NOTCH1: variants seen among roughly 807,000 people sequenced by gnomAD.
NOTCH1 encodes notch receptor 1.
In NOTCH1, 37 loss-of-function variants were observed where a neutral mutation model predicts 254.8. That is an observed-to-expected ratio of 0.15 (90% CI 0.11 to 0.19). NOTCH1 has a LOEUF of 0.19. Ranked by LOEUF, NOTCH1 falls within the 10% of genes least tolerant of loss-of-function variation. NOTCH1 has a pLI of 1.00. For missense variants in NOTCH1, 2,972 were observed against 3,708.6 expected (o/e 0.80, Z 5.16); for synonymous variants, 1,731 against 1,618.1 (o/e 1.07, Z -1.68).
chr9:136,495,965 A>T lies in NOTCH1; in HGVS notation c.*106T>A. On this transcript the variant is annotated 3_prime_UTR_variant, in exon 34 of 34. Transcript: ENST00000651671. ...ATCCTCGTTCTTATTTTGTATAAAA[A>T]CATGTGTTTTAAAAAGGCTCCTCTG... is the stretch of plus-strand genomic sequence containing the variant. 1 of 1,176,508 alleles carries T rather than the reference A, an allele frequency of 8.5e-7. No homozygotes were observed. Among genetic ancestry groups the T allele is most frequent in the Non-Finnish European group, 1.2e-6 (1 of 849,440 alleles). 72.9% of individuals were successfully genotyped at this position (1,176,508 alleles called of 1,614,324 possible). A position where few individuals can be genotyped will look rare whatever the true frequency, so the allele number is the denominator to read the frequency against.
chr9:136,535,573 G>T (rs181096709), intron 2 of NOTCH1, among the ~76,000 whole-genome samples: 1 of 53,574 alleles, frequency 1.9e-5, no homozygotes, highest in Non-Finnish European at 3.3e-5. Flanking sequence ...GTGGGTGGAG[G>T]GGGGAGCACT....
At position 136,496,364 on chromosome 9, in the gene NOTCH1, G is replaced by A. The variant is rs1292613938; in HGVS notation, c.7375C>T (p.Gln2459Ter). ...GACGTGGGCAGGGCGGGGCTCTCCT[G>A]GGGCAGAATAGTGTGCACCGCCAGG... ...SSLAVHTILP[Q>*]ESPALPTSLP... is the part of the protein sequence containing the mutation. The change falls in exon 34 of 34, where the codon CAG becomes TAG. Residue 2459 changes from glutamine (Q) to a stop codon, truncating the protein, a stop_gained. Coordinates refer to ENST00000651671, the MANE Select transcript of NOTCH1 (RefSeq NM_017617.5). LOFTEE classifies it high-confidence loss of function. The A allele has an allele frequency of 6.3e-7, 1 of 1,593,882 alleles. No individual in the cohort carries two copies. The highest frequency in any genetic ancestry group is 8.5e-7 in the Non-Finnish European group (1 of 1,174,640).
rs1442503672 is a variant in NOTCH1, at chr9:136,515,541, C to T, written c.1845G>A (p.Gly615=). 1.9e-6 allele frequency: 3 copies of T among 1,611,514 alleles called. No homozygotes were observed. The highest frequency in any genetic ancestry group is 2.7e-5 in the African/African-American group (2 of 74,890). ...CGTTGTCGCGGTCCTGGCAGGTGCCCCCGTGGCGGCAGGGCTGGCTGGAGC... is the reference window on the plus strand; with the variant it reads ...CGTTGTCGCGGTCCTGGCAGGTGCCTCCGTGGCGGCAGGGCTGGCTGGAGC... ...NECSSQPCRH[G]GTCQDRDNAY... The change falls in exon 11 of 34, where the codon GGG becomes GGA. Residue 615 remains glycine (G), a synonymous_variant. Coordinates refer to ENST00000651671, the MANE Select transcript of NOTCH1 (RefSeq NM_017617.5).
At chr9:136,498,689 A>C (rs1842952307) in intron 33 of NOTCH1, among the ~76,000 whole-genome samples, 1 of 152,168 alleles carries the variant, frequency 6.6e-6, no homozygotes, top group Non-Finnish European at 1.5e-5. Flanking sequence ...CTGGACCTGC[A>C]CTTGGAAGGG....
In NOTCH1 at chr9:136,509,032, G is replaced by T; in HGVS notation, c.3009C>A (p.Asn1003Lys). The T allele has an allele frequency of 6.4e-7, 1 of 1,562,996 alleles. No individual in the cohort carries two copies. The highest frequency in any genetic ancestry group is 8.7e-7 in the Non-Finnish European group (1 of 1,154,604). ...CGGGTGGACACAGGCAGGTGAACGA[G>T]TTGATGCCGTCCACGCAGGTGCCAC... ...FNGGTCVDGI[N>K]SFTCLCPPGF... Residue 1003 changes from asparagine (N) to lysine (K), a missense_variant, in exon 19 of 34, where the codon AAC becomes AAA. Coordinates refer to ENST00000651671, the MANE Select transcript of NOTCH1 (RefSeq NM_017617.5).
At chr9:136,521,319 A>C (rs1206978667) in intron 4 of NOTCH1, among the ~76,000 whole-genome samples, 3 of 151,928 alleles carry the variant, frequency 2.0e-5, no homozygotes, top group Admixed American at 2.0e-4. Context: ...ACCCACACTC[A>C]AGTGAGTGAA....
At position 136,496,012 on chromosome 9, in the gene NOTCH1, G is replaced by A; in HGVS notation, c.*59C>T. Reference sequence around the variant, plus strand: ...TCTGGTCGGCCCTGGCATCCACAGAGCGCACACAGACGCCCGAAGGCTTGG... The same window carrying A: ...TCTGGTCGGCCCTGGCATCCACAGAACGCACACAGACGCCCGAAGGCTTGG... On this transcript the variant is annotated 3_prime_UTR_variant, in exon 34 of 34. Coordinates refer to ENST00000651671, the MANE Select transcript of NOTCH1 (RefSeq NM_017617.5). 2 of 1,554,158 alleles carry A rather than the reference G, an allele frequency of 1.3e-6. No individual in the cohort carries two copies. The highest frequency in any genetic ancestry group is 1.7e-6 in the Non-Finnish European group (2 of 1,153,326).
At chr9:136,517,418 C>T (rs774796744) in intron 8 of NOTCH1, 33 bp from the exon 9 acceptor site, 25 of 1,417,846 alleles carry the variant, frequency 1.8e-5, no homozygotes, top group African/African-American at 7.1e-5. Context: ...GGGGGGCACG[C>T]GCGGCCCCAG....
chr9:136,512,111 T>C (rs973249150), intron 15 of NOTCH1, among the ~76,000 whole-genome samples: 3 of 152,132 alleles, frequency 2.0e-5, no homozygotes, highest in Non-Finnish European at 4.4e-5. Flanking sequence ...AGCGGGCAGA[T>C]AGGAAGCGGG....
chr9:136,504,773 C>A lies in NOTCH1; in HGVS notation c.4918G>T (p.Ala1640Ser), dbSNP rs976118697. Residue 1640 changes from alanine (A) to serine (S), a missense_variant, in exon 26 of 34, where the codon GCA becomes TCA. This residue lies in a region of NOTCH1 where 1,343 missense variants were observed against 1,557.0 expected (regional missense o/e 0.86). Transcript: ENST00000651671. Reference sequence around the variant, plus strand: ...ACCTGGCCCAGCAGGGCGTCAGGTGCGGCCCAGCCCTCGGCGGCACGCTTG... The same window carrying A: ...ACCTGGCCCAGCAGGGCGTCAGGTGAGGCCCAGCCCTCGGCGGCACGCTTG... ...PIKRAAEGWA[A>S]PDALLGQVKA... 2.6e-6 allele frequency: 4 copies of A among 1,551,586 alleles called. No individual in the cohort carries two copies. The East Asian group carries it at 9.7e-5, about 38-fold the overall frequency.
chr9:136,507,907 G>T, intron 21 of NOTCH1, 48 bp downstream of exon 21: 1 of 1,591,764 alleles, frequency 6.3e-7, no homozygotes. Flanking sequence ...CCTGGTGTGT[G>T]GCAACACTCG....
chr9:136,533,148 C>T lies in NOTCH1; in HGVS notation c.141-9169G>A, dbSNP rs1459166120. Among the ~76,000 whole-genome samples the T allele has an allele frequency of 4.2e-5, 2 of 48,014 alleles. 1 individual carries two copies. Among genetic ancestry groups the T allele is most frequent in the Non-Finnish European group, 7.3e-5 (2 of 27,246 alleles). 31.5% of individuals were successfully genotyped at this position (48,014 alleles called of 152,430 possible). A position where few individuals can be genotyped will look rare whatever the true frequency, so the allele number is the denominator to read the frequency against. ...GGCTCTCCGTCAGACAGGAATGAGG[C>T]CAGCCTCCTTCTGACCACTGAAGGG... On this transcript the variant is annotated intron_variant, in intron 2 of 33. Coordinates refer to ENST00000651671, the MANE Select transcript of NOTCH1 (RefSeq NM_017617.5).
chr9:136,544,036 G>T lies in NOTCH1; in HGVS notation c.128C>A (p.Thr43Lys). 2 of 1,573,782 alleles carry T rather than the reference G, an allele frequency of 1.3e-6. No individual in the cohort carries two copies. Among genetic ancestry groups the T allele is most frequent in the Admixed American group, 1.8e-5 (1 of 54,676 alleles). ...GGGTGGTACTCACACGCAGGCCTCC[G>T]TGCCATTGGCCGCTTCACACTTCCC... ...NGGKCEAANG[T>K]EACVCGGAFV... The change falls in exon 2 of 34, where the codon ACG becomes AAG. Residue 43 changes from threonine (T) to lysine (K), a missense_variant. Around this residue, in one of 8 missense-constraint regions of NOTCH1, gnomAD observed 374 missense variants for 496.3 expected, o/e 0.75. Transcript: ENST00000651671.
chr9:136,530,278 T>G (rs1254471924), intron 2 of NOTCH1, among the ~76,000 whole-genome samples: 1 of 152,214 alleles, frequency 6.6e-6, no homozygotes, highest in Non-Finnish European at 1.5e-5. Context: ...CATCCTCGGA[T>G]GGTTTAAAAT....
chr9:136,503,404 G>T, intron 26 of NOTCH1, 74 bp from the exon 27 acceptor site: 1 of 1,600,548 alleles, frequency 6.2e-7, no homozygotes, highest in Non-Finnish European at 8.5e-7. Context: ...GGATGCTGCC[G>T]CAGGACACTG....
At position 136,499,358 on chromosome 9, in the gene NOTCH1, G is replaced by A. The variant is rs1330021466; in HGVS notation, c.5935-99C>T. The A allele has an allele frequency of 4.8e-5, 72 of 1,498,306 alleles. 1 individual carries two copies. The East Asian group carries it at 1.3e-3, about 27-fold the overall frequency. The allele number at this position is 1,498,306 out of a possible 1,614,324, so 92.8% of individuals were successfully genotyped here. On this transcript the variant is annotated intron_variant, in intron 31 of 33. Coordinates refer to ENST00000651671, the MANE Select transcript of NOTCH1 (RefSeq NM_017617.5). ...TGGACGGGAAGCCCCACTGTCTTCC[G>A]GACACAGACGAGACCCTCCTGAGAT...
At chr9:136,527,910 TCCCGC>T (rs1843493665) in intron 2 of NOTCH1, among the ~76,000 whole-genome samples, 1 of 152,066 alleles carries the variant, frequency 6.6e-6, no homozygotes, top group African/African-American at 2.4e-5. Flanking sequence ...ACCACTTTGT[TCCCGC>T]CTCAGTATTT....
In NOTCH1 at chr9:136,497,033, C is replaced by T. The variant is rs1457252057; in HGVS notation, c.6706G>A (p.Gly2236Arg). 6.2e-7 allele frequency: 1 copy of T among 1,609,488 alleles called. No homozygotes were observed. The highest frequency in any genetic ancestry group is 1.1e-5 in the South Asian group (1 of 90,996). Residue 2236 changes from glycine (G) to arginine (R), a missense_variant, in exon 34 of 34, where the codon GGG becomes AGG. This residue lies in a region of NOTCH1 where 529 missense variants were observed against 529.2 expected (regional missense o/e 1.00). Coordinates refer to ENST00000651671, the MANE Select transcript of NOTCH1 (RefSeq NM_017617.5). The part of the protein sequence containing the change: ...SPSVPLNHLP[G>R]MPDTHLGIGH... ...ATGCCCAGGTGGGTGTCGGGCATCC[C>T]AGGCAGGTGGTTGAGGGGCACGGAC...
rs1449610795 is a variant in NOTCH1, at chr9:136,506,685, C to A, written c.3901+31G>T. The A allele has an allele frequency of 1.9e-6, 3 of 1,596,160 alleles. No individual in the cohort carries two copies. The South Asian group carries it at 3.4e-5, about 18-fold the overall frequency. On this transcript the variant is annotated intron_variant, in intron 23 of 33. Coordinates refer to ENST00000651671, the MANE Select transcript of NOTCH1 (RefSeq NM_017617.5). The surrounding 1 kb of genome is among the most constrained non-coding windows in gnomAD (Gnocchi z 4.5). ...GTGAGAGGCTCACCCTGCTGCCCCACACGCCCCACCCGCCTGGGCGCGGCA... is the reference window on the plus strand; with the variant it reads ...GTGAGAGGCTCACCCTGCTGCCCCAAACGCCCCACCCGCCTGGGCGCGGCA...
Sources: gnomAD v4.1 joint callset for allele counts (sites outside exome capture counted in the v4.1 genomes callset) on GRCh38, gnomAD v4.1.1 for gene constraint, gnomAD v4.1.1 regional missense constraint, Gnocchi (gnomAD v3.1) non-coding constraint, MANE v1.5 for transcripts, NCBI Gene and HGNC (gene_info 2026-07-23, HGNC 2026-07-21) for gene names.